Variants in KLHL13 observed in about 807,000 individuals in gnomAD.
KLHL13 encodes the protein kelch like family member 13.
KLHL13 carries 10 observed loss-of-function variants against 37.1 expected under a neutral mutation model. The ratio of observed to expected loss-of-function variants is 0.27; its 90% CI spans 0.17 to 0.46. KLHL13 has a LOEUF of 0.46. Ranked by LOEUF, KLHL13 falls within the 20% of genes least tolerant of loss-of-function variation. The probability of loss-of-function intolerance (pLI) is 1.00; values close to 1 mark genes in which losing one functional copy is unlikely to be tolerated. For missense variants in KLHL13, 360 were observed against 509.3 expected (o/e 0.71, Z 2.82); for synonymous variants, 163 against 181.2 (o/e 0.90, Z 0.81).
rs34085522 is a variant in KLHL13, at chrX:117,961,456, T to C, written c.98+11275A>G. Among the ~76,000 whole-genome samples, 785 of 111,883 alleles carry C rather than the reference T, an allele frequency of 7.0e-3. 12 individuals carry two copies. The highest frequency in any genetic ancestry group is 0.024 in the African/African-American group (743 of 30,781). ...AGTATTGTAGATACAACAAATGACCTCCTAAAGATGTCCACATCTTAACCC... is the reference window on the plus strand; with the variant it reads ...AGTATTGTAGATACAACAAATGACCCCCTAAAGATGTCCACATCTTAACCC... On this transcript the variant is annotated intron_variant, in intron 1 of 6. Coordinates refer to ENST00000262820, the Ensembl canonical transcript of KLHL13.
At chrX:117,984,219 G>A (rs2053698012) in intron 1 of KLHL13, among the ~76,000 whole-genome samples, 2 of 111,569 alleles carry the variant, frequency 1.8e-5, no homozygotes, top group African/African-American at 3.2e-5. Context: ...ACTGCCTCAG[G>A]AATCCAGTTT....
chrX:118,008,901 CAT>C (rs1444577439), intron 1 of KLHL13, among the ~76,000 whole-genome samples: 1 of 111,468 alleles, frequency 9.0e-6, no homozygotes, highest in Non-Finnish European at 1.9e-5. Context: ...ATGAGAATAA[CAT>C]AAATTAATAT....
intron 2 of KLHL13, among the ~76,000 whole-genome samples, chrX:117,936,628 T>A (rs187789553): frequency 9.0e-6 from 1 of 111,075 alleles, no homozygotes. Context: ...CTACCCTCAC[T>A]GTTCTGCTCT....
intron 2 of KLHL13, among the ~76,000 whole-genome samples, chrX:117,928,633 G>A (rs113307495): frequency 0.014 from 1,514 of 111,431 alleles, 15 homozygotes; most frequent in African/African-American, 0.046. Context: ...AGAAAAACTC[G>A]TAAGCATTTT....
intron 1 of KLHL13, among the ~76,000 whole-genome samples, chrX:118,055,905 G>A (rs2054679929): frequency 8.9e-6 from 1 of 112,192 alleles, no homozygotes; most frequent in African/African-American, 3.2e-5. Flanking sequence ...TGTGCTAGAA[G>A]CTCTATCCAG....
chrX:117,918,261 C>T (rs1931484546), intron 4 of KLHL13, among the ~76,000 whole-genome samples: 2 of 111,369 alleles, frequency 1.8e-5, no homozygotes, highest in Admixed American at 9.6e-5. Flanking sequence ...TAAAATCAAA[C>T]ATACAAAAAA....
At chrX:117,975,018 TA>T (rs1442727049), upstream of KLHL13, among the ~76,000 whole-genome samples, 2 of 111,690 alleles carry the variant, frequency 1.8e-5, no homozygotes, top group South Asian at 7.4e-4. Context: ...AAAATATATT[TA>T]AAAGTTTTTT....
intron 1 of KLHL13, among the ~76,000 whole-genome samples, chrX:118,032,992 C>T (rs1373411915): frequency 2.7e-5 from 3 of 110,572 alleles, no homozygotes; most frequent in Non-Finnish European, 3.8e-5. Flanking sequence ...AGGGTATCAG[C>T]GACGGAAGAT....
chrX:117,986,012 G>T (rs1444814575), intron 1 of KLHL13, among the ~76,000 whole-genome samples: 2 of 111,483 alleles, frequency 1.8e-5, no homozygotes, highest in Admixed American at 9.6e-5. Flanking sequence ...TTTACAGTAA[G>T]TATGTATTTA....
intron 1 of KLHL13, among the ~76,000 whole-genome samples, chrX:118,072,885 G>A (rs2054885865): frequency 9.0e-6 from 1 of 110,777 alleles, no homozygotes; most frequent in Admixed American, 9.6e-5. Context: ...CTTGAGCCCA[G>A]GAGTTTGAGA....
intron 1 of KLHL13, among the ~76,000 whole-genome samples, chrX:118,033,031 A>G (rs748047906): frequency 9.0e-6 from 1 of 110,994 alleles, no homozygotes; most frequent in African/African-American, 3.3e-5. Flanking sequence ...TGAGAAGGGA[A>G]GTTTAGAGAA....
intron 5 of KLHL13, among the ~76,000 whole-genome samples, chrX:117,903,173 G>GA (rs1491190040): frequency 2.1e-5 from 2 of 96,714 alleles, no homozygotes; most frequent in African/African-American, 4.4e-5. Flanking sequence ...GAGAGAGAGA[G>GA]GAGAGCGAGA....
intron 1 of KLHL13, among the ~76,000 whole-genome samples, chrX:118,085,960 C>T (rs144680622): frequency 0.018 from 1,938 of 108,957 alleles, 47 homozygotes; most frequent in African/African-American, 0.059. Context: ...TTTTTTGAGA[C>T]GGAGTTTTGC....
chrX:118,090,842 G>A (rs762258627), intron 1 of KLHL13, among the ~76,000 whole-genome samples: 199 of 109,220 alleles, frequency 1.8e-3, no homozygotes, highest in African/African-American at 6.3e-3. Flanking sequence ...TGTTTATAGC[G>A]GCACTATTCA....
intron 1 of KLHL13, among the ~76,000 whole-genome samples, chrX:118,070,998 T>A (rs1314418787): frequency 9.4e-6 from 1 of 106,906 alleles, no homozygotes; most frequent in African/African-American, 3.4e-5. Flanking sequence ...TGAGTGAGAA[T>A]ATGTGGTGTT....
At chrX:118,116,731 C>G (rs1240572650) in exon 1 of KLHL13, 1 of 110,502 alleles carries the variant, frequency 9.0e-6, no homozygotes, top group Admixed American at 9.4e-5. Flanking sequence ...TCAAAAGTCC[C>G]CGTTCCAGGC....
chrX:118,044,458 G>GAAGAATC (rs1310036864), intron 1 of KLHL13, among the ~76,000 whole-genome samples: 1 of 98,770 alleles, frequency 1.0e-5, no homozygotes, highest in Non-Finnish European at 2.0e-5. Flanking sequence ...AGGAAAATCA[G>GAAGAATC]AAGAATCACA....
At chrX:118,002,392 T>C (rs1348190057) in intron 1 of KLHL13, among the ~76,000 whole-genome samples, 2 of 108,606 alleles carry the variant, frequency 1.8e-5, no homozygotes, top group African/African-American at 6.7e-5. Flanking sequence ...AGGTCAGGAG[T>C]TCGAGACCAG....
At chrX:118,048,656 G>C (rs903131402) in intron 1 of KLHL13, among the ~76,000 whole-genome samples, 1 of 111,892 alleles carries the variant, frequency 8.9e-6, no homozygotes, top group African/African-American at 3.2e-5. Context: ...TAGATGTGCA[G>C]ACGGGATATG....
Sources: gnomAD v4.1 joint callset for allele counts (sites outside exome capture counted in the v4.1 genomes callset) on GRCh38, gnomAD v4.1.1 for gene constraint, MANE v1.5 for transcripts, NCBI Gene and HGNC (gene_info 2026-07-23, HGNC 2026-07-21) for gene names.